BRCA1: variants seen among roughly 807,000 people sequenced by gnomAD.
The protein encoded by BRCA1 is BRCA1 DNA repair associated, also known as breast cancer type 1 susceptibility protein.
Under a neutral mutation model 173.7 loss-of-function variants are expected in BRCA1, and 140 were observed. The observed-to-expected ratio is 0.81, with a 90% confidence interval of 0.70 to 0.93. The LOEUF (loss-of-function observed/expected upper bound fraction) is 0.93, where lower values mean the gene tolerates loss of function less well. Among genes scored for constraint, BRCA1 ranks in the 40% least tolerant of loss-of-function variants. The pLI is 0.00. For synonymous variants in BRCA1, 662 were observed against 756.0 expected, an observed-to-expected ratio of 0.88 and a Z score of 2.04; for missense variants, 1,983 against 2,172.5, an observed-to-expected ratio of 0.91 and a Z score of 1.73.
chr17:43,044,481 G>A lies in BRCA1; in HGVS notation c.*1197C>T, dbSNP rs1406338984. ...AAAACACTTTTTCTTCCTTCAGCAA[G>A]CAAAATTATTTATGAAGCTGTATGG... On this transcript the variant is annotated 3_prime_UTR_variant, in exon 23 of 23. Transcript: ENST00000357654. 2.0e-6 allele frequency: 1 copy of A among 509,178 alleles called. No homozygotes were observed. The highest frequency in any genetic ancestry group is 3.8e-6 in the Non-Finnish European group (1 of 260,186). 31.5% of individuals were successfully genotyped at this position (509,178 alleles called of 1,614,324 possible).
chr17:43,094,035 G>C lies in BRCA1; in HGVS notation c.1496C>G (p.Thr499Arg), dbSNP rs876658285. Reference protein sequence around the residue: ...EPQIIQERPLTNKLKRKRRPT... With the variant: ...EPQIIQERPLRNKLKRKRRPT... ...TCTCCTTTTACGCTTTAATTTATTT[G>C]TGAGGGGACGCTCTTGTATTATCTG... The change falls in exon 10 of 23, where the codon ACA (threonine) becomes AGA (arginine). Residue 499 changes from threonine (T) to arginine (R), a missense_variant. Thr to Arg is a moderately conservative substitution (Grantham distance 71). Coordinates refer to ENST00000357654, the MANE Select transcript of BRCA1 (RefSeq NM_007294.4). 6.2e-7 allele frequency: 1 copy of C among 1,613,968 alleles called. No homozygotes were observed. The highest frequency in any genetic ancestry group is 8.5e-7 in the Non-Finnish European group (1 of 1,179,956).
chr17:43,145,726 T>A (rs1292571651), intron 1 of BRCA1, among the ~76,000 whole-genome samples: 27 of 151,746 alleles, frequency 1.8e-4, no homozygotes, highest in African/African-American at 5.8e-4. Flanking sequence ...TTCCATTTTT[T>A]AAGTGTAAAT....
chr17:43,115,742 C>T lies in BRCA1; in HGVS notation c.118G>A (p.Asp40Asn), dbSNP rs879255290. Residue 40 changes from aspartate to asparagine, a missense_variant, in exon 3 of 23, where the codon GAC becomes AAC. Transcript: ENST00000357654. ...CAAACTTACTTGCAAAATATGTGGTCACACTTTGTGGAGACAGGTTCCTTG... is the reference window on the plus strand; with the variant it reads ...CAAACTTACTTGCAAAATATGTGGTTACACTTTGTGGAGACAGGTTCCTTG... Reference protein sequence around the residue: ...LIKEPVSTKCDHIFCKFCMLK... With the variant: ...LIKEPVSTKCNHIFCKFCMLK... The T allele has an allele frequency of 6.2e-7, 1 of 1,613,558 alleles. No homozygotes were observed.
At chr17:43,156,419 G>A (rs1259920742) in intron 1 of BRCA1, among the ~76,000 whole-genome samples, 1 of 152,086 alleles carries the variant, frequency 6.6e-6, no homozygotes, top group East Asian at 1.9e-4. Flanking sequence ...TATAAGCAGA[G>A]CCACCTTGGG....
chr17:43,062,567 A>T (rs911987463), intron 18 of BRCA1, among the ~76,000 whole-genome samples: 1 of 152,112 alleles, frequency 6.6e-6, no homozygotes, highest in African/African-American at 2.4e-5. Context: ...TCTAGAACAA[A>T]TGAGAACAGA....
chr17:43,045,325 T>C lies in BRCA1; in HGVS notation c.*353A>G. On this transcript the variant is annotated 3_prime_UTR_variant, in exon 23 of 23. Transcript: ENST00000357654. ...AGCTATTCTCTTGAGGCCAAGCCACTCTGTGCTTCCAGCCCTAAGCCAACA... is the reference window on the plus strand; with the variant it reads ...AGCTATTCTCTTGAGGCCAAGCCACCCTGTGCTTCCAGCCCTAAGCCAACA... The C allele has an allele frequency of 1.8e-6, 1 of 567,972 alleles. No individual in the cohort carries two copies. Among genetic ancestry groups the C allele is most frequent in the Non-Finnish European group, 3.3e-6 (1 of 299,442 alleles). 35.2% of individuals were successfully genotyped at this position (567,972 alleles called of 1,614,324 possible).
intron 1 of BRCA1, chr17:43,140,175 G>T: frequency 3.3e-6 from 1 of 304,344 alleles, no homozygotes; most frequent in Non-Finnish European, 6.6e-6. Flanking sequence ...GACATGGAGA[G>T]CTGCTGGGTT....
chr17:43,127,257 T>G (rs1252279399), upstream of BRCA1, among the ~76,000 whole-genome samples: 2 of 152,222 alleles, frequency 1.3e-5, no homozygotes, highest in African/African-American at 2.4e-5. Flanking sequence ...CCAGCTGGGC[T>G]CCTGAGTCAG....
At chr17:43,125,396 T>TA (rs1318107972), upstream of BRCA1, 1 of 398,334 alleles carries the variant, frequency 2.5e-6, no homozygotes, top group African/African-American at 2.1e-5. Context: ...AGTTTTAATT[T>TA]ATCTGTAATT....
intron 3 of BRCA1, among the ~76,000 whole-genome samples, chr17:43,107,365 C>T (rs1216752978): frequency 1.3e-5 from 2 of 148,560 alleles, no homozygotes; most frequent in South Asian, 2.1e-4. Context: ...GCCTGGCCGA[C>T]GATTTTTATT....
At chr17:43,129,239 G>A (rs1360277229), upstream of BRCA1, among the ~76,000 whole-genome samples, 1 of 152,170 alleles carries the variant, frequency 6.6e-6, no homozygotes, top group Non-Finnish European at 1.5e-5. Flanking sequence ...GTTTACACAC[G>A]TTCAAGATTA....
intron 2 of BRCA1, 31 bp downstream of exon 2, chr17:43,123,986 C>A (rs2154576342): frequency 6.5e-7 from 1 of 1,541,126 alleles, no homozygotes; most frequent in East Asian, 2.2e-5. Flanking sequence ...TCATAGGAAT[C>A]CCAAATTAAT....
At chr17:43,133,466 G>A (rs1196805913) in intron 1 of BRCA1, among the ~76,000 whole-genome samples, 1 of 152,034 alleles carries the variant, frequency 6.6e-6, no homozygotes, top group Non-Finnish European at 1.5e-5. Flanking sequence ...TCTCCTGTCT[G>A]GCTTTGAATA....
chr17:43,093,134 A>T lies in BRCA1; in HGVS notation c.2397T>A (p.Asn799Lys), dbSNP rs80357203. The part of the protein sequence containing the change: ...STLGKAKTEP[N>K]KCVSQCAAFE... ...ATGCTGCACACTGACTCACACATTT[A>T]TTTGGTTCTGTTTTTGCCTTCCCTA... is the stretch of plus-strand genomic sequence containing the variant. The change falls in exon 10 of 23, where the codon AAT (asparagine) becomes AAA (lysine). Residue 799 changes from asparagine to lysine, a missense_variant. Asn to Lys is a moderately conservative substitution (Grantham distance 94). Coordinates refer to ENST00000357654, the MANE Select transcript of BRCA1 (RefSeq NM_007294.4). The T allele has an allele frequency of 2.5e-6, 4 of 1,613,554 alleles. No individual in the cohort carries two copies. The highest frequency in any genetic ancestry group is 3.4e-6 in the Non-Finnish European group (4 of 1,179,840).
At chr17:43,115,417 G>C (rs1176852740) in intron 3 of BRCA1, among the ~76,000 whole-genome samples, 2 of 151,720 alleles carry the variant, frequency 1.3e-5, no homozygotes, top group Admixed American at 1.3e-4. Flanking sequence ...TAGAAGAATC[G>C]CTTGAACTCG....
intron 1 of BRCA1, chr17:43,138,941 C>T: frequency 1.3e-6 from 1 of 778,848 alleles, no homozygotes. Flanking sequence ...GCCTGAAAGC[C>T]AGTGGTACAA....
chr17:43,091,241 G>T, intron 10 of BRCA1, 194 bp downstream of exon 10: 1 of 872,764 alleles, frequency 1.1e-6, no homozygotes, highest in South Asian at 1.5e-5. Flanking sequence ...AGCTCATTCA[G>T]TCAAAGATGA....
rs80356881 is a variant in BRCA1, at chr17:43,074,454, G to C, written c.4552C>G (p.Gln1518Glu). 6.2e-7 allele frequency: 1 copy of C among 1,614,110 alleles called. No homozygotes were observed. The highest frequency in any genetic ancestry group is 8.5e-7 in the Non-Finnish European group (1 of 1,179,998). Residue 1518 changes from glutamine (Q) to glutamate (E), a missense_variant, in exon 14 of 23, where the codon CAG becomes GAG. Transcript: ENST00000357654. Reference sequence around the variant, plus strand: ...TCTTGAGATGGGTAGTTTCTATTCTGAAGACTCCCAGAGCAACTGTGCATG... The same window carrying C: ...TCTTGAGATGGGTAGTTTCTATTCTCAAGACTCCCAGAGCAACTGTGCATG... ...WYMHSCSGSL[Q>E]NRNYPSQEEL...
Position 43,081,649 on chromosome 17 carries a change from A to G in BRCA1, c.4357+755T>C, listed in dbSNP as rs978945418. ...CCTATGTGTCTGTTTGTTTGCCCCT[A>G]TTTAAAAATCTGCCTGATGTATTGT... On this transcript the variant is annotated intron_variant, in intron 12 of 22. Coordinates refer to ENST00000357654, the MANE Select transcript of BRCA1 (RefSeq NM_007294.4). Among the ~76,000 whole-genome samples, 10 of 152,258 alleles carry G rather than the reference A, an allele frequency of 6.6e-5. No individual in the cohort carries two copies. In the South Asian group the frequency reaches 1.7e-3, roughly 25 times the overall value.
Sources: gnomAD v4.1 joint callset for allele counts (sites outside exome capture counted in the v4.1 genomes callset) on GRCh38, gnomAD v4.1.1 for gene constraint, MANE v1.5 for transcripts, NCBI Gene and HGNC (gene_info 2026-07-23, HGNC 2026-07-21) for gene names.